ARMC2: variants seen among roughly 807,000 people sequenced by gnomAD.
ARMC2 encodes armadillo repeat-containing protein 2.
Under a neutral mutation model 90.3 loss-of-function variants are expected in ARMC2, and 67 were observed. That is an observed-to-expected ratio of 0.74 (90% CI 0.61 to 0.91). The LOEUF is 0.91. Ranked by LOEUF, ARMC2 falls within the 40% of genes least tolerant of loss-of-function variation. The pLI is 0.00. For missense variants in ARMC2, 920 were observed against 1,030.9 expected, an observed-to-expected ratio of 0.89 and a Z score of 1.47; for synonymous variants, 393 against 393.0, an observed-to-expected ratio of 1.00 and a Z score of 0.00.
intron 17 of ARMC2, among the ~76,000 whole-genome samples, chr6:108,967,372 T>TGGTGGGGC (rs1778444510): frequency 6.6e-6 from 1 of 152,090 alleles, no homozygotes; most frequent in South Asian, 2.1e-4. Flanking sequence ...ATAACAAGGA[T>TGGTGGGGC]GGTGGGGCTG....
intron 3 of ARMC2, among the ~76,000 whole-genome samples, chr6:108,863,450 C>G (rs752950442): frequency 2.4e-4 from 36 of 152,030 alleles, no homozygotes; most frequent in Non-Finnish European, 4.3e-4. Flanking sequence ...CGTCTTTTTT[C>G]CTTCTTAGCA....
At chr6:108,906,173 T>C (rs945264631) in intron 8 of ARMC2, among the ~76,000 whole-genome samples, 1 of 152,056 alleles carries the variant, frequency 6.6e-6, no homozygotes, top group Non-Finnish European at 1.5e-5. Flanking sequence ...CAAAATAATA[T>C]ACAAAAATAT....
intron 14 of ARMC2, 139 bp from the exon 15 acceptor site, chr6:108,961,875 A>G: frequency 1.0e-6 from 1 of 983,860 alleles, no homozygotes. Flanking sequence ...TTAGTTTCTT[A>G]GTTCTTGCTA....
At chr6:109,001,168 A>G in the ARMC2 span, 1 of 854,300 alleles carries the variant, frequency 1.2e-6, no homozygotes, top group South Asian at 1.9e-5. Context: ...AGACTGTGCA[A>G]CAGGAATCAT....
chr6:108,928,164 A>C lies in ARMC2; in HGVS notation c.1427A>C (p.Gln476Pro). 1 of 1,613,230 alleles carries C rather than the reference A, an allele frequency of 6.2e-7. No individual in the cohort carries two copies. The highest frequency in any genetic ancestry group is 8.5e-7 in the Non-Finnish European group (1 of 1,179,646). ...TTCCTAAACATCAGTGCCCTTCCCC[A>C]GCTCTGCACGGCAATGGAACAGTAC... ...SKFLNISALP[Q>P]LCTAMEQYKG... Residue 476 changes from glutamine to proline, a missense_variant, in exon 11 of 18, where the codon CAG (glutamine) becomes CCG (proline). Gln to Pro is a moderately conservative substitution (Grantham distance 76, BLOSUM62 -1). Transcript: ENST00000392644.
intron 17 of ARMC2, among the ~76,000 whole-genome samples, chr6:108,970,768 G>A (rs1469725955): frequency 3.3e-5 from 5 of 151,876 alleles, no homozygotes; most frequent in African/African-American, 9.7e-5. Flanking sequence ...AAAGTGATGG[G>A]ATTATAGGCG....
At chr6:108,998,723 G>A in the ARMC2 span, 1 of 1,613,442 alleles carries the variant, frequency 6.2e-7, no homozygotes, top group Non-Finnish European at 8.5e-7. Context: ...ATTCCGCAAG[G>A]GACCAGCTGT....
intron 5 of ARMC2, among the ~76,000 whole-genome samples, chr6:108,893,981 CT>C (rs1332229470): frequency 3.9e-5 from 6 of 152,180 alleles, no homozygotes; most frequent in African/African-American, 1.4e-4. Flanking sequence ...CAGGGCAAGA[CT>C]TCGTCTCAAA....
intron 11 of ARMC2, among the ~76,000 whole-genome samples, chr6:108,933,329 A>G (rs1364827474): frequency 6.6e-6 from 1 of 152,114 alleles, no homozygotes; most frequent in Admixed American, 6.5e-5. Context: ...TTTTGTGGCA[A>G]TTGTGAATGG....
intron 5 of ARMC2, among the ~76,000 whole-genome samples, chr6:108,878,707 C>T (rs962443526): frequency 3.3e-5 from 5 of 152,160 alleles, no homozygotes; most frequent in African/African-American, 7.2e-5. Context: ...CAAGCACTTA[C>T]GGAACTGTCA....
chr6:108,973,631 G>A lies in ARMC2; in HGVS notation c.*117G>A. 2 of 1,022,014 alleles carry A rather than the reference G, an allele frequency of 2.0e-6. No individual in the cohort carries two copies. Among genetic ancestry groups the A allele is most frequent in the Middle Eastern group, 2.2e-4 (1 of 4,510 alleles). 63.3% of individuals were successfully genotyped at this position (1,022,014 alleles called of 1,614,324 possible). On this transcript the variant is annotated 3_prime_UTR_variant, in exon 18 of 18. Coordinates refer to ENST00000392644, the MANE Select transcript of ARMC2 (RefSeq NM_032131.6). ...AAATGTGGAAAGTTTTTCAAGAACT[G>A]GTTTTAGTGAGTAGCTGAAGTATTT...
chr6:109,004,870 C>A, the ARMC2 span, among the ~76,000 whole-genome samples: 1 of 152,060 alleles, frequency 6.6e-6, no homozygotes, highest in African/African-American at 2.4e-5. Flanking sequence ...TGCTTAAGAT[C>A]AAAAAGTTTG....
rs1398156950 is a variant in ARMC2, at chr6:108,876,274, G to T, written c.595G>T (p.Gly199Ter). The T allele has an allele frequency of 1.2e-6, 2 of 1,612,754 alleles. No individual in the cohort carries two copies. The highest frequency in any genetic ancestry group is 3.3e-5 in the Admixed American group (2 of 59,792). Reference protein sequence around the residue: ...KSHPLQLTDDGGFSEIKEQEM... With the variant: ...KSHPLQLTDD ...TCACCCACTTCAGCTAACTGATGAT[G>T]GAGGCTTCAGTGAAATAAAGGAGCA... The change falls in exon 5 of 18, where the codon GGA becomes TGA. Residue 199 changes from glycine (G) to a stop codon, truncating the protein, a stop_gained. Coordinates refer to ENST00000392644, the MANE Select transcript of ARMC2 (RefSeq NM_032131.6). LOFTEE classifies it high-confidence loss of function.
intron 3 of ARMC2, among the ~76,000 whole-genome samples, chr6:108,867,902 C>G (rs1010055284): frequency 6.6e-6 from 1 of 152,088 alleles, no homozygotes; most frequent in African/African-American, 2.4e-5. Flanking sequence ...CCATTGCACT[C>G]CAGCCTGGGT....
chr6:108,924,074 A>T (rs1399530641), intron 10 of ARMC2: 1 of 152,420 alleles, frequency 6.6e-6, no homozygotes, highest in African/African-American at 2.4e-5. Flanking sequence ...GGGAGAGAAG[A>T]TGCCTGAAGA....
the ARMC2 span, chr6:109,009,686 G>T: frequency 2.3e-6 from 1 of 432,272 alleles, no homozygotes; most frequent in Non-Finnish European, 3.2e-6. Flanking sequence ...CGGCGCGGAG[G>T]CTGGGAACTG....
At chr6:108,979,090 A>G (rs139946150), downstream of ARMC2, among the ~76,000 whole-genome samples, 1,273 of 152,242 alleles carry the variant, frequency 8.4e-3, 22 homozygotes, top group African/African-American at 0.029. Flanking sequence ...TGTAGCATCA[A>G]TGGTCTTTAC....
chr6:108,890,209 A>C (rs1433597032), intron 5 of ARMC2, among the ~76,000 whole-genome samples: 2 of 133,776 alleles, frequency 1.5e-5, no homozygotes, highest in African/African-American at 6.2e-5. Context: ...AAAAAAAAAA[A>C]AAAAAAAAAA....
At chr6:108,869,041 C>T in intron 4 of ARMC2, 46 bp downstream of exon 4, 1 of 1,513,080 alleles carries the variant, frequency 6.6e-7, no homozygotes, top group Non-Finnish European at 8.8e-7. Flanking sequence ...AGGCATGCTT[C>T]TTGAATTTGC....
Sources: gnomAD v4.1 joint callset for allele counts (sites outside exome capture counted in the v4.1 genomes callset) on GRCh38, gnomAD v4.1.1 for gene constraint, MANE v1.5 for transcripts, NCBI Gene and HGNC (gene_info 2026-07-23, HGNC 2026-07-21) for gene names.